NRG3: variants seen among roughly 807,000 people sequenced by gnomAD.
NRG3 encodes neuregulin 3.
In NRG3, 31 loss-of-function variants were observed where a neutral mutation model predicts 66.9. That is an observed-to-expected ratio of 0.46 (90% CI 0.35 to 0.63). NRG3 has a LOEUF of 0.63. NRG3 is among the 20% of genes least tolerant of loss of function. The probability of loss-of-function intolerance (pLI) is 0.00; values close to 1 mark genes in which losing one functional copy is unlikely to be tolerated. For synonymous variants in NRG3, 393 were observed against 359.4 expected (o/e 1.09, Z -1.06); for missense variants, 910 against 878.9 (o/e 1.04, Z -0.45).
chr10:82,698,693 T>G (rs781212764), intron 2 of NRG3, among the ~76,000 whole-genome samples: 2 of 152,138 alleles, frequency 1.3e-5, no homozygotes, highest in Non-Finnish European at 2.9e-5. Flanking sequence ...TCAGTGTTCT[T>G]ATCTGTAAAG....
chr10:81,896,054 G>C (rs753890274), intron 1 of NRG3, among the ~76,000 whole-genome samples: 3 of 152,020 alleles, frequency 2.0e-5, no homozygotes, highest in Admixed American at 6.6e-5. Flanking sequence ...CTGGTCTTTG[G>C]GGGGACAAAT....
chr10:82,984,763 C>G, intron 8 of NRG3: 1 of 1,551,652 alleles, frequency 6.4e-7, no homozygotes, highest in Non-Finnish European at 8.7e-7. Flanking sequence ...TGCTCAATCC[C>G]CATTTACTTT....
intron 2 of NRG3, among the ~76,000 whole-genome samples, chr10:82,386,164 T>A (rs896282672): frequency 1.1e-4 from 17 of 152,160 alleles, no homozygotes; most frequent in African/African-American, 3.4e-4. Context: ...TGGGCATTTT[T>A]AAAAGGCCAT....
intron 2 of NRG3, among the ~76,000 whole-genome samples, chr10:82,436,551 G>C (rs964880721): frequency 2.0e-5 from 3 of 152,126 alleles, no homozygotes; most frequent in African/African-American, 7.2e-5. Flanking sequence ...GGTTAGTACT[G>C]TTATGTGTGA....
chr10:81,878,272 C>G (rs756709833), intron 1 of NRG3, among the ~76,000 whole-genome samples: 21 of 152,118 alleles, frequency 1.4e-4, no homozygotes, highest in Non-Finnish European at 2.8e-4. Context: ...GTATTTGTAT[C>G]TTAGTTTCAG....
intron 1 of NRG3, among the ~76,000 whole-genome samples, chr10:82,106,130 C>T (rs887097053): frequency 1.3e-5 from 2 of 151,896 alleles, no homozygotes; most frequent in African/African-American, 4.9e-5. Flanking sequence ...ACACTGCAGC[C>T]TAGTTAGCAA....
At chr10:82,452,987 G>T (rs989636702) in intron 2 of NRG3, among the ~76,000 whole-genome samples, 2 of 152,056 alleles carry the variant, frequency 1.3e-5, no homozygotes, top group Non-Finnish European at 2.9e-5. Flanking sequence ...CTGGCTCAGG[G>T]GATGCCCCAG....
At chr10:82,258,698 T>A (rs1380274830) in intron 1 of NRG3, among the ~76,000 whole-genome samples, 1 of 152,210 alleles carries the variant, frequency 6.6e-6, no homozygotes, top group Non-Finnish European at 1.5e-5. Context: ...GATATGTTTA[T>A]AGGTTGCCTT....
chr10:82,404,594 G>A (rs190920451), intron 2 of NRG3, among the ~76,000 whole-genome samples: 386 of 152,200 alleles, frequency 2.5e-3, no homozygotes, highest in African/African-American at 8.8e-3. Flanking sequence ...GGATGAATGG[G>A]TAATAAATAG....
chr10:82,773,963 A>T (rs560714548), intron 3 of NRG3, among the ~76,000 whole-genome samples: 11 of 152,284 alleles, frequency 7.2e-5, no homozygotes, highest in African/African-American at 2.6e-4. Flanking sequence ...TGAGCTGATC[A>T]TGCTTTTATT....
chr10:82,317,756 G>T (rs1459680791), intron 1 of NRG3, among the ~76,000 whole-genome samples: 4 of 152,154 alleles, frequency 2.6e-5, no homozygotes, highest in South Asian at 2.1e-4. Context: ...TTTAGGAAGA[G>T]GTTTATTTGC....
chr10:82,805,991 A>G lies in NRG3; in HGVS notation c.1028-59420A>G, dbSNP rs142587440. 1.1e-3 allele frequency among the ~76,000 whole-genome samples: 172 copies of G among 152,304 alleles called. 5 individuals carry two copies. The East Asian group carries it at 0.032, about 28-fold the overall frequency. On this transcript the variant is annotated intron_variant, in intron 3 of 8. Coordinates refer to ENST00000372141, the MANE Select transcript of NRG3 (RefSeq NM_001010848.4). ...TTTTCTGAAACATCAACTGAGAATGAGGGGAAAATGTTGCTTTAGGAGATT... is the reference window on the plus strand; with the variant it reads ...TTTTCTGAAACATCAACTGAGAATGGGGGGAAAATGTTGCTTTAGGAGATT...
At position 82,958,932 on chromosome 10, in the gene NRG3, T is replaced by G; in HGVS notation, c.1158-17T>G. ...AAAGTCATGCAAATATTTGTACACG[T>G]TTATTTATGCCTGCAGGAAACAAGC... On this transcript the variant is annotated splice_polypyrimidine_tract_variant and intron_variant, in intron 5 of 8. Transcript: ENST00000372141. 1 of 1,553,106 alleles carries G rather than the reference T, an allele frequency of 6.4e-7. No individual in the cohort carries two copies. The highest frequency in any genetic ancestry group is 1.3e-5 in the South Asian group (1 of 79,926).
chr10:82,444,969 A>G (rs2090636977), intron 2 of NRG3, among the ~76,000 whole-genome samples: 1 of 152,240 alleles, frequency 6.6e-6, no homozygotes, highest in African/African-American at 2.4e-5. Flanking sequence ...TAACAGGCTG[A>G]TCAAATATTT....
intron 2 of NRG3, among the ~76,000 whole-genome samples, chr10:82,649,416 A>T (rs1006265517): frequency 6.6e-6 from 1 of 151,016 alleles, no homozygotes; most frequent in Non-Finnish European, 1.5e-5. Context: ...TGACTGGAAC[A>T]AACAGTAAAT....
chr10:81,915,627 G>A (rs552836957), intron 1 of NRG3, among the ~76,000 whole-genome samples: 1 of 152,012 alleles, frequency 6.6e-6, no homozygotes, highest in Non-Finnish European at 1.5e-5. Flanking sequence ...CGGAGTGTGG[G>A]TTTATCACTC....
At chr10:82,567,822 C>G (rs957545652) in intron 2 of NRG3, among the ~76,000 whole-genome samples, 1 of 151,488 alleles carries the variant, frequency 6.6e-6, no homozygotes, top group Non-Finnish European at 1.5e-5. Flanking sequence ...TAATGAAGGC[C>G]CTCATATTTC....
intron 2 of NRG3, among the ~76,000 whole-genome samples, chr10:82,533,453 AT>A (rs57767750): frequency 1.9e-4 from 29 of 149,032 alleles, no homozygotes; most frequent in South Asian, 4.2e-4. Flanking sequence ...ATCCGTTTTG[AT>A]TTTTTTTTTG....
chr10:82,626,002 A>G (rs978299826), intron 2 of NRG3, among the ~76,000 whole-genome samples: 15 of 152,168 alleles, frequency 9.9e-5, no homozygotes, highest in African/African-American at 3.6e-4. Flanking sequence ...GCATTCTGCC[A>G]TTTACAGGGC....
Sources: gnomAD v4.1 joint callset for allele counts (sites outside exome capture counted in the v4.1 genomes callset) on GRCh38, gnomAD v4.1.1 for gene constraint, MANE v1.5 for transcripts, NCBI Gene and HGNC (gene_info 2026-07-23, HGNC 2026-07-21) for gene names.